ASXL3: variants seen among roughly 807,000 people sequenced by gnomAD.
The protein encoded by ASXL3 is putative Polycomb group protein ASXL3.
ASXL3 carries 34 observed loss-of-function variants against 170.6 expected under a neutral mutation model. The ratio of observed to expected loss-of-function variants is 0.20; its 90% CI spans 0.15 to 0.27. The LOEUF (loss-of-function observed/expected upper bound fraction) is 0.27. Ranked by LOEUF, ASXL3 falls within the 10% of genes least tolerant of loss-of-function variation. The pLI is 1.00. For missense variants in ASXL3, 2,592 were observed against 2,695.3 expected (o/e 0.96, Z 0.85); for synonymous variants, 1,002 against 989.1 (o/e 1.01, Z -0.24).
At chr18:33,598,294 T>TTC (rs1206747268) in intron 1 of ASXL3, among the ~76,000 whole-genome samples, 1 of 152,160 alleles carries the variant, frequency 6.6e-6, no homozygotes, top group East Asian at 1.9e-4. Context: ...TCATCTAATA[T>TTC]TCTCATTTAT....
intron 1 of ASXL3, among the ~76,000 whole-genome samples, chr18:33,590,984 C>A (rs1170707646): frequency 6.6e-6 from 1 of 152,126 alleles, no homozygotes; most frequent in East Asian, 1.9e-4. Flanking sequence ...CAAGAAGAAC[C>A]TTTATTGATC....
chr18:33,660,050 C>G lies in ASXL3; in HGVS notation c.356-1566C>G, dbSNP rs1257234617. Among the ~76,000 whole-genome samples the G allele has an allele frequency of 2.0e-5, 3 of 152,172 alleles. No individual in the cohort carries two copies. In the East Asian group the frequency reaches 5.8e-4, roughly 29 times the overall value. ...CTGTATCAGATCTTGACTTTTGAAA[C>G]CAAATATTGTAAGTGGAAAAATCAT... On this transcript the variant is annotated intron_variant, in intron 4 of 11. Transcript: ENST00000269197.
intron 8 of ASXL3, among the ~76,000 whole-genome samples, chr18:33,720,610 C>T (rs1434816533): frequency 1.3e-5 from 2 of 152,046 alleles, no homozygotes; most frequent in African/African-American, 2.4e-5. Context: ...TCATCGAGGC[C>T]CAGCAGAATG....
chr18:33,587,584 AGTT>A (rs1215132518), intron 1 of ASXL3, among the ~76,000 whole-genome samples: 1 of 152,108 alleles, frequency 6.6e-6, no homozygotes, highest in Non-Finnish European at 1.5e-5. Context: ...ACTCACATGA[AGTT>A]GTAAAAGTTA....
rs1160995134 is a variant in ASXL3 at position 33,750,394 on chromosome 18, T to C, written c.*3799T>C. ...GATAGTTGCAGAATAATTTAGACTG[T>C]AGAAAAACTTTGTTGTATTTGTACT... On this transcript the variant is annotated 3_prime_UTR_variant, in exon 12 of 12. Coordinates refer to ENST00000269197, the MANE Select transcript of ASXL3 (RefSeq NM_030632.3). The C allele has an allele frequency of 6.6e-6, 1 of 152,238 alleles. No individual in the cohort carries two copies. Among genetic ancestry groups the C allele is most frequent in the Non-Finnish European group, 1.5e-5 (1 of 68,038 alleles). 9.4% of individuals were successfully genotyped at this position (152,238 alleles called of 1,614,324 possible). A position where few individuals can be genotyped will look rare whatever the true frequency, so the allele number is the denominator to read the frequency against.
intron 7 of ASXL3, among the ~76,000 whole-genome samples, chr18:33,677,419 TTTAGA>T (rs1253011432): frequency 1.3e-5 from 2 of 152,120 alleles, no homozygotes; most frequent in Admixed American, 1.3e-4. Context: ...TTTAATTAAT[TTTAGA>T]TTAAATAAAA....
intron 2 of ASXL3, among the ~76,000 whole-genome samples, chr18:33,639,197 T>C (rs2065812054): frequency 6.6e-6 from 1 of 152,172 alleles, no homozygotes; most frequent in Non-Finnish European, 1.5e-5. Flanking sequence ...AAGTGCTTTA[T>C]ATGTTTTAAT....
At chr18:33,675,977 C>A (rs565915574) in intron 7 of ASXL3, among the ~76,000 whole-genome samples, 118 of 152,102 alleles carry the variant, frequency 7.8e-4, no homozygotes, top group Non-Finnish European at 1.5e-3. Flanking sequence ...TGTAATCCAG[C>A]ACTTTGGGAG....
rs1568360551 is a variant in ASXL3, at chr18:33,739,340, GA to G, written c.1937del (p.Glu646GlyfsTer31). On this transcript the variant is annotated frameshift_variant, in exon 11 of 12. Coordinates refer to ENST00000269197, the MANE Select transcript of ASXL3 (RefSeq NM_030632.3). LOFTEE classifies it high-confidence loss of function. ...SEESCTPASL[E>X]TTFCSEVSST... Reference sequence around the variant, plus strand: ...AGAATCATGTACTCCAGCCTCCCTTGAGACAACATTTTGTTCTGAGGTATCT... The same window carrying G: ...AGAATCATGTACTCCAGCCTCCCTTGGACAACATTTTGTTCTGAGGTATCT... The G allele has an allele frequency of 6.2e-7, 1 of 1,613,524 alleles. No individual in the cohort carries two copies.
chr18:33,604,482 G>A (rs1205279076), intron 1 of ASXL3, among the ~76,000 whole-genome samples: 2 of 151,982 alleles, frequency 1.3e-5, no homozygotes, highest in South Asian at 2.1e-4. Flanking sequence ...AACTTAAGAA[G>A]GAGTAATGAG....
At chr18:33,713,404 C>T (rs899342914) in intron 8 of ASXL3, among the ~76,000 whole-genome samples, 2 of 149,712 alleles carry the variant, frequency 1.3e-5, no homozygotes, top group African/African-American at 4.9e-5. Flanking sequence ...ATTACAGGCA[C>T]CTGCCACCAC....
In ASXL3 at chr18:33,745,757, A is replaced by T; in HGVS notation, c.5909A>T (p.Lys1970Met). Reference sequence around the variant, plus strand: ...GCCTTCAACAGGCATCTTGAACAGAAGGGATTGGGAGAGGTTAGTCTTTCC... The same window carrying T: ...GCCTTCAACAGGCATCTTGAACAGATGGGATTGGGAGAGGTTAGTCTTTCC... ...AFAFNRHLEQ[K>M]GLGEVSLSSA... The change falls in exon 12 of 12, where the codon AAG becomes ATG. Residue 1970 changes from lysine to methionine, a missense_variant. Around this residue, in one of 4 missense-constraint regions of ASXL3, gnomAD observed 2,246 missense variants for 2,219.6 expected, o/e 1.01. Coordinates refer to ENST00000269197, the MANE Select transcript of ASXL3 (RefSeq NM_030632.3). 6.2e-7 allele frequency: 1 copy of T among 1,613,998 alleles called. No homozygotes were observed. The highest frequency in any genetic ancestry group is 2.2e-5 in the East Asian group (1 of 44,876).
At position 33,745,365 on chromosome 18, in the gene ASXL3, T is replaced by G. The variant is rs752655240; in HGVS notation, c.5517T>G (p.Thr1839=). The change falls in exon 12 of 12, where the codon ACT becomes ACG. Residue 1839 remains threonine (T), a synonymous_variant. Coordinates refer to ENST00000269197, the MANE Select transcript of ASXL3 (RefSeq NM_030632.3). ...KRVARTVGEH[T]QVKCEPGKLL... ...TAGCTAGGACTGTAGGAGAACACAC[T>G]CAAGTTAAATGTGAACCAGGAAAAT... 3 of 1,613,834 alleles carry G rather than the reference T, an allele frequency of 1.9e-6. No individual in the cohort carries two copies. Among genetic ancestry groups the G allele is most frequent in the South Asian group, 2.2e-5 (2 of 91,078 alleles).
intron 2 of ASXL3, among the ~76,000 whole-genome samples, chr18:33,629,583 C>G (rs1474889047): frequency 2.0e-5 from 3 of 151,984 alleles, no homozygotes; most frequent in Non-Finnish European, 4.4e-5. Context: ...GAACTACTAC[C>G]TTGGCTCTCC....
chr18:33,685,852 A>C (rs1002318411), intron 8 of ASXL3, among the ~76,000 whole-genome samples: 2 of 152,198 alleles, frequency 1.3e-5, no homozygotes, highest in African/African-American at 2.4e-5. Context: ...TGCTATGAGA[A>C]CAGCACCAAG....
In ASXL3 at chr18:33,734,001, G is replaced by T. The variant is rs12605642; in HGVS notation, c.977-309G>T. Among the ~76,000 whole-genome samples the T allele has an allele frequency of 0.59, 88,344 of 149,250 alleles. 27,518 individuals carry two copies. Among genetic ancestry groups the T allele is most frequent in the East Asian group, 0.9 (4,564 of 5,070 alleles). ...ATTTCCTTAAGGACAGTGAATATAC[G>T]CTCTTTTATTTGTAGCCCCTAGCAG... On this transcript the variant is annotated intron_variant, in intron 9 of 11. Transcript: ENST00000269197.
intron 7 of ASXL3, among the ~76,000 whole-genome samples, chr18:33,678,327 T>A (rs536579579): frequency 6.6e-6 from 1 of 152,328 alleles, no homozygotes; most frequent in South Asian, 2.1e-4. Flanking sequence ...GTCTGCCTGG[T>A]CTGCCTTTTG....
intron 5 of ASXL3, among the ~76,000 whole-genome samples, chr18:33,664,415 G>A (rs1411477512): frequency 6.6e-6 from 1 of 152,118 alleles, no homozygotes; most frequent in East Asian, 1.9e-4. Flanking sequence ...ATTAAAAATA[G>A]CATTTCTGAA....
rs114020746 is a variant in ASXL3 at position 33,585,012 on chromosome 18, G to A, written c.54+6327G>A. ...TTTAATTGATCTGTTACATGGAAGC[G>A]TAGGGAGGGCCCAAGCCTATGTCAT... is the stretch of plus-strand genomic sequence containing the variant. On this transcript the variant is annotated intron_variant, in intron 1 of 11. Coordinates refer to ENST00000269197, the MANE Select transcript of ASXL3 (RefSeq NM_030632.3). 2.0e-3 allele frequency among the ~76,000 whole-genome samples: 307 copies of A among 151,840 alleles called. 1 individual carries two copies. The highest frequency in any genetic ancestry group is 6.9e-3 in the African/African-American group (284 of 41,394).
Sources: gnomAD v4.1 joint callset for allele counts (sites outside exome capture counted in the v4.1 genomes callset) on GRCh38, gnomAD v4.1.1 for gene constraint, gnomAD v4.1.1 regional missense constraint, MANE v1.5 for transcripts, NCBI Gene and HGNC (gene_info 2026-07-23, HGNC 2026-07-21) for gene names.